Variants in TAFA5 observed in about 807,000 individuals in gnomAD.
The protein encoded by TAFA5 is TAFA chemokine like family member 5.
TAFA5 carries 6 observed loss-of-function variants against 15.3 expected under a neutral mutation model. The observed-to-expected ratio is 0.39, with a 90% CI of 0.21 to 0.77. TAFA5 has a LOEUF of 0.77. TAFA5 is among the 30% of genes least tolerant of loss of function. The pLI is 0.41. For missense variants in TAFA5, 161 were observed against 193.1 expected (o/e 0.83, Z 0.98); for synonymous variants, 103 against 80.7 (o/e 1.28, Z -1.48).
intron 1 of TAFA5, among the ~76,000 whole-genome samples, chr22:48,612,532 C>T (rs1361373133): frequency 6.6e-6 from 1 of 152,158 alleles, no homozygotes. Context: ...TCCAGCCCTC[C>T]CATCCAGTGG....
intron 1 of TAFA5, among the ~76,000 whole-genome samples, chr22:48,495,521 T>C (rs767822375): frequency 5.9e-5 from 9 of 152,284 alleles, no homozygotes; most frequent in African/African-American, 2.2e-4. Context: ...GCCCAAGATC[T>C]AGCTCTGGAT....
At chr22:48,684,317 C>T (rs1046692577) in intron 2 of TAFA5, among the ~76,000 whole-genome samples, 1 of 151,988 alleles carries the variant, frequency 6.6e-6, no homozygotes, top group Non-Finnish European at 1.5e-5. Flanking sequence ...TGTTGAGAGG[C>T]ACTTGGAAGT....
At chr22:48,539,354 T>A (rs1444424735) in intron 1 of TAFA5, 1 of 471,002 alleles carries the variant, frequency 2.1e-6, no homozygotes, top group African/African-American at 2.0e-5. Flanking sequence ...GGACATGGGC[T>A]CCTCCAGGCT....
chr22:48,736,231 A>G (rs1930018193), intron 3 of TAFA5, among the ~76,000 whole-genome samples: 1 of 80,550 alleles, frequency 1.2e-5, no homozygotes, highest in Non-Finnish European at 2.5e-5. Flanking sequence ...CCCAGGAGGA[A>G]TGAGAATCGC....
intron 1 of TAFA5, among the ~76,000 whole-genome samples, chr22:48,626,570 G>A (rs1207893112): frequency 6.6e-6 from 1 of 152,164 alleles, no homozygotes; most frequent in Admixed American, 6.5e-5. Context: ...GTTTCCTTGT[G>A]TGCCCTCCAG....
chr22:48,501,639 G>C (rs939423808), intron 1 of TAFA5, among the ~76,000 whole-genome samples: 1 of 152,214 alleles, frequency 6.6e-6, no homozygotes, highest in African/African-American at 2.4e-5. Flanking sequence ...CAGGCCTCAC[G>C]GGCCCCAGGG....
chr22:48,726,201 T>C (rs1340009073), intron 3 of TAFA5, among the ~76,000 whole-genome samples: 3 of 152,256 alleles, frequency 2.0e-5, no homozygotes, highest in Non-Finnish European at 4.4e-5. Context: ...GTTTTGTTGT[T>C]TTTGGGCAAA....
intron 1 of TAFA5, among the ~76,000 whole-genome samples, chr22:48,588,654 G>T (rs1461517886): frequency 6.6e-6 from 1 of 152,202 alleles, no homozygotes; most frequent in Non-Finnish European, 1.5e-5. Context: ...GACCTGCGGG[G>T]ATGGGGGCAC....
Position 48,703,970 on chromosome 22 carries a change from C to T in TAFA5, c.263-3747C>T, listed in dbSNP as rs142734783. Reference sequence around the variant, plus strand: ...ACCTGAGACAGCCCAGTCCCTGCTTCTGGCTGTTAGGGCAGAACAGGACAG... The same window carrying T: ...ACCTGAGACAGCCCAGTCCCTGCTTTTGGCTGTTAGGGCAGAACAGGACAG... On this transcript the variant is annotated intron_variant, in intron 2 of 3. Coordinates refer to ENST00000402357, the MANE Select transcript of TAFA5 (RefSeq NM_001082967.3). Among the ~76,000 whole-genome samples the T allele has an allele frequency of 8.6e-3, 1,305 of 152,356 alleles. 12 individuals are homozygous for T. Among genetic ancestry groups the T allele is most frequent in the Non-Finnish European group, 0.015 (1,002 of 68,038 alleles).
At position 48,598,814 on chromosome 22, in the gene TAFA5, C is replaced by A. The variant is rs1004201808; in HGVS notation, c.113-47783C>A. On this transcript the variant is annotated intron_variant, in intron 1 of 3. Transcript: ENST00000402357. The surrounding 1 kb of genome is among the most constrained non-coding windows in gnomAD (Gnocchi z 4.0). ...CTTCAGATACCAAGTCCAAGTGCCA[C>A]CAGTGGAACCAAGCGCCAGGTGGTA... is the stretch of plus-strand genomic sequence containing the variant. 1.3e-5 allele frequency among the ~76,000 whole-genome samples: 2 copies of A among 152,196 alleles called. No homozygotes were observed. Among genetic ancestry groups the A allele is most frequent in the Admixed American group, 6.5e-5 (1 of 15,276 alleles).
Position 48,546,416 on chromosome 22 carries a change from C to A in TAFA5, c.112+56712C>A, listed in dbSNP as rs374050280. Reference sequence around the variant, plus strand: ...GCACTGGATGGCTCTTGGAGGTCCCCGAGTGACCATCGGACACTGCCCTAT... The same window carrying A: ...GCACTGGATGGCTCTTGGAGGTCCCAGAGTGACCATCGGACACTGCCCTAT... On this transcript the variant is annotated intron_variant, in intron 1 of 3. Coordinates refer to ENST00000402357, the MANE Select transcript of TAFA5 (RefSeq NM_001082967.3). 850 of 458,178 alleles carry A rather than the reference C, an allele frequency of 1.9e-3. 10 individuals carry two copies. Among genetic ancestry groups the A allele is most frequent in the South Asian group, 0.013 (824 of 62,076 alleles). 28.4% of individuals were successfully genotyped at this position (458,178 alleles called of 1,614,324 possible).
intron 1 of TAFA5, among the ~76,000 whole-genome samples, chr22:48,502,464 A>C (rs1302174908): frequency 6.6e-6 from 1 of 151,642 alleles, no homozygotes; most frequent in Non-Finnish European, 1.5e-5. Context: ...AATGGCTCCA[A>C]GACTTCTAAT....
In TAFA5 at chr22:48,576,438, C is replaced by A. The variant is rs1250122920; in HGVS notation, c.113-70159C>A. ...GGCGCTGATGCGGCGCCTGGACCTT[C>A]GCTGCGCGACTTCGGGGGCGTCGGC... On this transcript the variant is annotated intron_variant, in intron 1 of 3. Coordinates refer to ENST00000402357, the MANE Select transcript of TAFA5 (RefSeq NM_001082967.3). 8.1e-6 allele frequency: 11 copies of A among 1,349,968 alleles called. No homozygotes were observed. The African/African-American group carries it at 1.4e-4, about 17-fold the overall frequency. The allele number at this position is 1,349,968 out of a possible 1,614,324, so 83.6% of individuals were successfully genotyped here.
chr22:48,539,930 T>C (rs1922303445), intron 1 of TAFA5, among the ~76,000 whole-genome samples: 2 of 151,862 alleles, frequency 1.3e-5, no homozygotes, highest in South Asian at 4.2e-4. Context: ...GATGGGGCCT[T>C]GCCAGGGAGA....
chr22:48,573,727 T>C (rs889200448), intron 1 of TAFA5, among the ~76,000 whole-genome samples: 3 of 152,192 alleles, frequency 2.0e-5, no homozygotes, highest in African/African-American at 7.2e-5. Flanking sequence ...ATTTATGAAC[T>C]TTCTTTTTTT....
rs528198239 is a variant in TAFA5 at position 48,643,341 on chromosome 22, G to A, written c.113-3256G>A. 2.6e-5 allele frequency among the ~76,000 whole-genome samples: 4 copies of A among 152,330 alleles called. No individual in the cohort carries two copies. In the South Asian group the frequency reaches 8.3e-4, roughly 32 times the overall value. On this transcript the variant is annotated intron_variant, in intron 1 of 3. Transcript: ENST00000402357. ...GGCCGCAGGGCAGAGGTGTAGGGGT[G>A]GCCTTGTTTCAGGGCTCAGCACCGT... is the stretch of plus-strand genomic sequence containing the variant.
chr22:48,548,761 C>T (rs1260581935), intron 1 of TAFA5, among the ~76,000 whole-genome samples: 3 of 152,258 alleles, frequency 2.0e-5, no homozygotes, highest in Non-Finnish European at 4.4e-5. Context: ...CAGGTGAGAG[C>T]GTGCATGAGA....
intron 2 of TAFA5, among the ~76,000 whole-genome samples, chr22:48,670,740 G>A (rs1927777290): frequency 6.6e-6 from 1 of 152,238 alleles, no homozygotes; most frequent in South Asian, 2.1e-4. Context: ...GAGGCATTTT[G>A]TCATGGCCTG....
At chr22:48,600,115 G>GC (rs1284340373) in intron 1 of TAFA5, among the ~76,000 whole-genome samples, 3 of 152,146 alleles carry the variant, frequency 2.0e-5, no homozygotes, top group Non-Finnish European at 4.4e-5. Flanking sequence ...GCTGAGTGTG[G>GC]CCCCCCGAGG....
Sources: allele counts gnomAD v4.1 joint callset (sites outside exome capture counted in the v4.1 genomes callset), GRCh38; gene constraint gnomAD v4.1.1; non-coding constraint Gnocchi (gnomAD v3.1); transcripts MANE v1.5; gene names NCBI Gene and HGNC (gene_info 2026-07-23, HGNC 2026-07-21).